Variants in SPON1 observed in about 807,000 individuals in gnomAD.
SPON1 encodes spondin-1.
SPON1 carries 52 observed loss-of-function variants against 111.7 expected under a neutral mutation model. That is an observed-to-expected ratio of 0.47 (90% CI 0.37 to 0.59). The LOEUF (loss-of-function observed/expected upper bound fraction) is 0.59, where lower values mean the gene tolerates loss of function less well. Among genes scored for constraint, SPON1 ranks in the 20% least tolerant of loss-of-function variants. The pLI is 0.00. For missense variants in SPON1, 957 were observed against 1,068.5 expected (o/e 0.90, Z 1.46); for synonymous variants, 410 against 395.8 (o/e 1.04, Z -0.43).
chr11:14,204,256 T>G (rs1848493716), intron 6 of SPON1, among the ~76,000 whole-genome samples: 1 of 152,112 alleles, frequency 6.6e-6, no homozygotes, highest in South Asian at 2.1e-4. Context: ...GTCAGAAAAG[T>G]TATTTCCTCT....
intron 6 of SPON1, among the ~76,000 whole-genome samples, chr11:14,241,683 G>A (rs781962728): frequency 1.3e-5 from 2 of 152,204 alleles, no homozygotes; most frequent in Non-Finnish European, 2.9e-5. Flanking sequence ...GGGGAGACAT[G>A]GAGCTGGCAC....
chr11:14,038,819 A>G (rs1165614591), intron 2 of SPON1, among the ~76,000 whole-genome samples: 1 of 152,234 alleles, frequency 6.6e-6, no homozygotes, highest in African/African-American at 2.4e-5. Context: ...TACTATTGCC[A>G]TATGATCCAG....
chr11:14,201,145 C>G (rs567602243), intron 6 of SPON1, among the ~76,000 whole-genome samples: 134 of 152,056 alleles, frequency 8.8e-4, no homozygotes, highest in African/African-American at 2.5e-3. Flanking sequence ...TCGAGACCAT[C>G]CTGGCTAATA....
intron 2 of SPON1, among the ~76,000 whole-genome samples, chr11:13,996,434 T>C (rs2133790122): frequency 6.6e-6 from 1 of 152,348 alleles, no homozygotes; most frequent in East Asian, 1.9e-4. Context: ...TCTGCAGCCC[T>C]GGTCTCTAGT....
chr11:14,265,547 GC>G lies in SPON1; in HGVS notation c.2286del (p.Trp763GlyfsTer17), dbSNP rs782771129. On this transcript the variant is annotated frameshift_variant, in exon 16 of 16. Transcript: ENST00000576479. LOFTEE classifies it high-confidence loss of function. Reference protein sequence around the residue: ...FPGCRMRPWTAWSECTKLCGG... With the variant: ...FPGCRMRPWTXWSECTKLCGG... Reference sequence around the variant, plus strand: ...AGGTTGTAGGATGCGCCCATGGACGGCCTGGTCAGAATGCACCAAACTGTGC... The same window carrying G: ...AGGTTGTAGGATGCGCCCATGGACGGCTGGTCAGAATGCACCAAACTGTGC... The G allele has an allele frequency of 1.2e-6, 2 of 1,613,410 alleles. No individual in the cohort carries two copies. The highest frequency in any genetic ancestry group is 1.7e-6 in the Non-Finnish European group (2 of 1,179,698).
intron 5 of SPON1, among the ~76,000 whole-genome samples, chr11:14,128,106 C>G (rs932653619): frequency 6.6e-6 from 1 of 152,064 alleles, no homozygotes; most frequent in Non-Finnish European, 1.5e-5. Context: ...GTCTCTGGAC[C>G]CTCCCAAATC....
intron 1 of SPON1, among the ~76,000 whole-genome samples, chr11:13,980,422 A>G (rs1366187791): frequency 2.0e-5 from 3 of 152,162 alleles, no homozygotes; most frequent in Non-Finnish European, 4.4e-5. Context: ...CAATCACAGC[A>G]TGTCATTTAC....
intron 2 of SPON1, among the ~76,000 whole-genome samples, chr11:13,989,442 T>C (rs1848210628): frequency 6.6e-6 from 1 of 152,216 alleles, no homozygotes; most frequent in Non-Finnish European, 1.5e-5. Flanking sequence ...CTCTCTTTTC[T>C]TTATTAGTCT....
In SPON1 at chr11:13,962,873, G is replaced by T; in HGVS notation, c.-32G>T. On this transcript the variant is annotated 5_prime_UTR_variant, in exon 1 of 16. Transcript: ENST00000576479. Reference sequence around the variant, plus strand: ...GGCAGGAGTCGCGTGGCGAAGGCCTGCGGCCGCGGCACAAAGTTGGGGGCC... The same window carrying T: ...GGCAGGAGTCGCGTGGCGAAGGCCTTCGGCCGCGGCACAAAGTTGGGGGCC... 7.0e-7 allele frequency: 1 copy of T among 1,431,106 alleles called. No homozygotes were observed. The highest frequency in any genetic ancestry group is 9.1e-7 in the Non-Finnish European group (1 of 1,098,846). The allele number at this position is 1,431,106 out of a possible 1,614,324, so 88.7% of individuals were successfully genotyped here.
chr11:14,171,623 G>A (rs1392965691), intron 6 of SPON1, among the ~76,000 whole-genome samples: 1 of 151,872 alleles, frequency 6.6e-6, no homozygotes, highest in Non-Finnish European at 1.5e-5. Flanking sequence ...TCTCCTGTGG[G>A]CATTTAGTGC....
At chr11:14,048,174 G>A (rs61884837) in intron 3 of SPON1, among the ~76,000 whole-genome samples, 11,793 of 152,258 alleles carry the variant, frequency 0.077, 592 homozygotes, top group Middle Eastern at 0.14. Context: ...AGGAGGTGGA[G>A]GTTGCATTGA....
chr11:14,090,594 C>T (rs1397525663), intron 5 of SPON1, among the ~76,000 whole-genome samples: 7 of 151,812 alleles, frequency 4.6e-5, no homozygotes, highest in African/African-American at 1.5e-4. Context: ...CTTAAGGCGG[C>T]GGGTCTGGAG....
Position 14,160,468 on chromosome 11 carries a change from TTTATATATATATTTA to T in SPON1, c.825+24902_825+24916del, listed in dbSNP as rs1847903795. 8.2e-5 allele frequency among the ~76,000 whole-genome samples: 2 copies of T among 24,410 alleles called. 1 individual carries two copies. Among genetic ancestry groups the T allele is most frequent in the African/African-American group, 3.6e-4 (2 of 5,542 alleles). 16.0% of individuals were successfully genotyped at this position (24,410 alleles called of 152,430 possible). ...TTATATATATATTTATATATATATA[TTTATATATATATTTA>T]TATATATATATTTACATATATATAT... On this transcript the variant is annotated intron_variant, in intron 6 of 15. Coordinates refer to ENST00000576479, the MANE Select transcript of SPON1 (RefSeq NM_006108.4).
chr11:14,215,339 C>T (rs1445886222), intron 6 of SPON1, among the ~76,000 whole-genome samples: 1 of 152,132 alleles, frequency 6.6e-6, no homozygotes, highest in Non-Finnish European at 1.5e-5. Flanking sequence ...TCTCAGAGTG[C>T]TATTGGCCAG....
intron 1 of SPON1, among the ~76,000 whole-genome samples, chr11:13,982,310 T>C (rs1037776418): frequency 6.6e-6 from 1 of 152,200 alleles, no homozygotes; most frequent in Non-Finnish European, 1.5e-5. Flanking sequence ...CTGTATATCA[T>C]GTCTGTCCAT....
chr11:14,021,527 A>G (rs1206001039), intron 2 of SPON1, among the ~76,000 whole-genome samples: 3 of 152,198 alleles, frequency 2.0e-5, no homozygotes, highest in African/African-American at 7.2e-5. Context: ...GCCCCAAAGC[A>G]CCAGGATCCA....
intron 5 of SPON1, among the ~76,000 whole-genome samples, chr11:14,118,618 C>T (rs1564909144): frequency 6.6e-6 from 1 of 152,146 alleles, no homozygotes; most frequent in Non-Finnish European, 1.5e-5. Flanking sequence ...AGTCTATGAA[C>T]ACCAAGAGTC....
At chr11:14,031,660 A>AT (rs5789818) in intron 2 of SPON1, among the ~76,000 whole-genome samples, 2 of 151,000 alleles carry the variant, frequency 1.3e-5, no homozygotes, top group Admixed American at 6.6e-5. Context: ...ACAGTGGAGG[A>AT]TTTTTTTTTT....
chr11:14,063,402 CCCTCCCTT>C (rs1309533772), intron 3 of SPON1, among the ~76,000 whole-genome samples: 4 of 152,128 alleles, frequency 2.6e-5, no homozygotes, highest in Non-Finnish European at 4.4e-5. Flanking sequence ...TTCCTTCCTT[CCCTCCCTT>C]CCTCCCTTCC....
Sources: gnomAD v4.1 joint callset for allele counts (sites outside exome capture counted in the v4.1 genomes callset) on GRCh38, gnomAD v4.1.1 for gene constraint, MANE v1.5 for transcripts, NCBI Gene and HGNC (gene_info 2026-07-23, HGNC 2026-07-21) for gene names.